SPSB1: variants seen among roughly 807,000 people sequenced by gnomAD.
SPSB1 encodes the protein splA/ryanodine receptor domain and SOCS box containing 1, also known as SPRY domain-containing SOCS box protein 1.
SPSB1 carries 8 observed loss-of-function variants against 21.2 expected under a neutral mutation model. The observed-to-expected ratio is 0.38, with a 90% CI of 0.22 to 0.68. The LOEUF (loss-of-function observed/expected upper bound fraction) is 0.68, where lower values mean the gene tolerates loss of function less well. Among genes scored for constraint, SPSB1 ranks in the 30% least tolerant of loss-of-function variants. The probability of loss-of-function intolerance (pLI) is 0.53; values close to 1 mark genes in which losing one functional copy is unlikely to be tolerated. For missense variants in SPSB1, 242 were observed against 377.8 expected, an observed-to-expected ratio of 0.64 and a Z score of 2.98; for synonymous variants, 169 against 161.7, an observed-to-expected ratio of 1.05 and a Z score of -0.34.
At chr1:9,336,411 A>C (rs1451813418) in intron 1 of SPSB1, among the ~76,000 whole-genome samples, 3 of 151,970 alleles carry the variant, frequency 2.0e-5, no homozygotes, top group Non-Finnish European at 4.4e-5. Flanking sequence ...TTTTTAGTAG[A>C]GATGGGGTTT....
Position 9,345,572 on chromosome 1 carries a change from C to T in SPSB1, c.-149-10171C>T, listed in dbSNP as rs1003291887. ...TGCATCAGGCACAGTCCGTTGTCCT[C>T]GCCACCCTGACTAAGCTACAGCTGC... On this transcript the variant is annotated intron_variant, in intron 1 of 2. Coordinates refer to ENST00000328089, the MANE Select transcript of SPSB1 (RefSeq NM_025106.4). The surrounding 1 kb of genome is among the most constrained non-coding windows in gnomAD (Gnocchi z 4.8). Among the ~76,000 whole-genome samples the T allele has an allele frequency of 3.9e-5, 6 of 152,194 alleles. No individual in the cohort carries two copies. The highest frequency in any genetic ancestry group is 1.4e-4 in the African/African-American group (6 of 41,444).
At chr1:9,326,313 C>T (rs1335731795) in intron 1 of SPSB1, among the ~76,000 whole-genome samples, 4 of 152,190 alleles carry the variant, frequency 2.6e-5, no homozygotes, top group African/African-American at 7.2e-5. Context: ...AGTCTCCCTG[C>T]GCACTGGAGG....
intron 1 of SPSB1, chr1:9,339,388 G>A: frequency 1.2e-6 from 1 of 808,612 alleles, no homozygotes; most frequent in Non-Finnish European, 1.5e-6. Context: ...GGTTCTGGCA[G>A]GACCCAGGGT....
chr1:9,350,643 G>A (rs1351001137), intron 1 of SPSB1, among the ~76,000 whole-genome samples: 1 of 152,190 alleles, frequency 6.6e-6, no homozygotes, highest in Non-Finnish European at 1.5e-5. Flanking sequence ...GGCAGCAGCA[G>A]GGCCACATCT....
chr1:9,362,132 C>T (rs779837292), intron 2 of SPSB1, among the ~76,000 whole-genome samples: 3 of 152,326 alleles, frequency 2.0e-5, no homozygotes, highest in African/African-American at 4.8e-5. Context: ...TGGACTCTGC[C>T]GGGAGCTACT....
In SPSB1 at chr1:9,367,882, G is replaced by C. The variant is rs1640605203; in HGVS notation, c.*307G>C. 3.0e-6 allele frequency: 1 copy of C among 338,586 alleles called. No individual in the cohort carries two copies. Among genetic ancestry groups the C allele is most frequent in the Non-Finnish European group, 5.5e-6 (1 of 181,944 alleles). The allele number at this position is 338,586 out of a possible 1,614,324, so 21.0% of individuals were successfully genotyped here. The stretch of plus-strand genomic sequence containing the variant: ...AAAGCCCTACATTGAGCTCCAATCT[G>C]CTCGGGGTGGGACGGGTGCTTCCCA... On this transcript the variant is annotated 3_prime_UTR_variant, in exon 3 of 3. Coordinates refer to ENST00000328089, the MANE Select transcript of SPSB1 (RefSeq NM_025106.4). The surrounding 1 kb of genome is among the most constrained non-coding windows in gnomAD (Gnocchi z 5.9).
chr1:9,309,283 TGAGA>T (rs748979653), intron 1 of SPSB1, among the ~76,000 whole-genome samples: 83 of 137,732 alleles, frequency 6.0e-4, no homozygotes, highest in African/African-American at 1.8e-3. Context: ...AGAGAGAGTG[TGAGA>T]GAGAGAGAGA....
At chr1:9,318,222 C>G (rs1038903041) in intron 1 of SPSB1, among the ~76,000 whole-genome samples, 3 of 152,362 alleles carry the variant, frequency 2.0e-5, no homozygotes, top group East Asian at 3.9e-4. Flanking sequence ...CCCCCAGATC[C>G]TCCACCACGA....
At chr1:9,344,173 A>G (rs934494847) in intron 1 of SPSB1, among the ~76,000 whole-genome samples, 2 of 152,238 alleles carry the variant, frequency 1.3e-5, no homozygotes, top group Non-Finnish European at 2.9e-5. Flanking sequence ...CTGTTGAGCC[A>G]TAATTCCTTG....
At chr1:9,338,951 T>G (rs1342746350) in intron 1 of SPSB1, among the ~76,000 whole-genome samples, 1 of 152,182 alleles carries the variant, frequency 6.6e-6, no homozygotes, top group Non-Finnish European at 1.5e-5. Flanking sequence ...CCCGGCCGAT[T>G]ACCTTGTAAT....
chr1:9,358,085 G>A (rs1173369396), intron 2 of SPSB1, among the ~76,000 whole-genome samples: 1 of 152,170 alleles, frequency 6.6e-6, no homozygotes, highest in East Asian at 1.9e-4. Flanking sequence ...AAGTCTCCAA[G>A]CCTGCAGCTT....
intron 1 of SPSB1, among the ~76,000 whole-genome samples, chr1:9,311,841 T>C (rs1174756705): frequency 3.9e-5 from 6 of 152,132 alleles, no homozygotes; most frequent in Non-Finnish European, 5.9e-5. Context: ...GGGTATGAAT[T>C]TTCTTGGTGG....
At chr1:9,330,643 C>T (rs1639900100) in intron 1 of SPSB1, among the ~76,000 whole-genome samples, 1 of 151,770 alleles carries the variant, frequency 6.6e-6, no homozygotes, top group African/African-American at 2.4e-5. Flanking sequence ...CTCTTCCTTT[C>T]CTCCCCTCCT....
At chr1:9,357,145 ATGGG>A (rs371904919) in intron 2 of SPSB1, among the ~76,000 whole-genome samples, 71,190 of 145,968 alleles carry the variant, frequency 0.49, 17,609 homozygotes, top group East Asian at 0.61. Context: ...GGATGGATGG[ATGGG>A]TGGATGGATG....
intron 1 of SPSB1, among the ~76,000 whole-genome samples, chr1:9,306,259 C>T (rs142792121): frequency 3.3e-5 from 5 of 152,326 alleles, no homozygotes; most frequent in South Asian, 2.1e-4. Context: ...CCTTCCTAGC[C>T]GCGTCCTGCA....
At position 9,350,394 on chromosome 1, in the gene SPSB1, C is replaced by T. The variant is rs559121315; in HGVS notation, c.-149-5349C>T. On this transcript the variant is annotated intron_variant, in intron 1 of 2. Coordinates refer to ENST00000328089, the MANE Select transcript of SPSB1 (RefSeq NM_025106.4). ...ACAGCTGTGCAGAGGAGGAGGCAGG[C>T]GCGGTCCTGGGGACGTGGTGACTAA... Among the ~76,000 whole-genome samples the T allele has an allele frequency of 2.8e-4, 42 of 152,304 alleles. No homozygotes were observed. The South Asian group carries it at 6.8e-3, about 25-fold the overall frequency.
intron 1 of SPSB1, among the ~76,000 whole-genome samples, chr1:9,320,274 G>C (rs1223664570): frequency 6.6e-6 from 1 of 152,246 alleles, no homozygotes; most frequent in Non-Finnish European, 1.5e-5. Flanking sequence ...ACAGACTGCA[G>C]GGCGGTCATC....
chr1:9,344,720 G>A (rs1640143405), intron 1 of SPSB1, among the ~76,000 whole-genome samples: 1 of 152,084 alleles, frequency 6.6e-6, no homozygotes, highest in African/African-American at 2.4e-5. Context: ...CTGGGCCTCA[G>A]GGGGCGGATG....
At chr1:9,333,438 C>A (rs1639955507) in intron 1 of SPSB1, among the ~76,000 whole-genome samples, 1 of 150,468 alleles carries the variant, frequency 6.6e-6, no homozygotes, top group South Asian at 2.1e-4. Context: ...TCAGGCGATT[C>A]TTCTGCCTCA....
Sources: allele counts gnomAD v4.1 joint callset (sites outside exome capture counted in the v4.1 genomes callset), GRCh38; gene constraint gnomAD v4.1.1; non-coding constraint Gnocchi (gnomAD v3.1); transcripts MANE v1.5; gene names NCBI Gene and HGNC (gene_info 2026-07-23, HGNC 2026-07-21).